Variants in LMBR1 observed in about 807,000 individuals in gnomAD.
LMBR1 encodes the protein limb region 1 protein homolog.
Under a neutral mutation model 73.9 loss-of-function variants are expected in LMBR1, and 52 were observed. The observed-to-expected ratio is 0.70, with a 90% CI of 0.56 to 0.89. The LOEUF is 0.89. Ranked by LOEUF, LMBR1 falls within the 40% of genes least tolerant of loss-of-function variation. LMBR1 has a pLI of 0.00. For synonymous variants in LMBR1, 215 were observed against 209.4 expected (o/e 1.03, Z -0.23); for missense variants, 539 against 579.8 (o/e 0.93, Z 0.72).
At chr7:156,881,808 T>TA (rs60282269) in intron 1 of LMBR1, among the ~76,000 whole-genome samples, 14,065 of 143,502 alleles carry the variant, frequency 0.098, 770 homozygotes, top group African/African-American at 0.16. Flanking sequence ...TGGCTATGAT[T>TA]AAAAAAAAAA....
At chr7:156,841,752 C>T (rs568391787) in intron 1 of LMBR1, among the ~76,000 whole-genome samples, 2 of 152,114 alleles carry the variant, frequency 1.3e-5, no homozygotes, top group African/African-American at 4.8e-5. Context: ...GGAGGTAAAA[C>T]CCTGAGGCAG....
chr7:156,786,067 G>C (rs1828015746), intron 5 of LMBR1, among the ~76,000 whole-genome samples: 1 of 151,856 alleles, frequency 6.6e-6, no homozygotes, highest in Non-Finnish European at 1.5e-5. Context: ...AAATCTATGG[G>C]AAAATGTCCA....
At chr7:156,884,724 G>T (rs1801613997) in intron 1 of LMBR1, among the ~76,000 whole-genome samples, 1 of 152,196 alleles carries the variant, frequency 6.6e-6, no homozygotes. Flanking sequence ...AACTACAGGT[G>T]TGCTCTTGGA....
chr7:156,812,350 A>T (rs1833237352), intron 4 of LMBR1, among the ~76,000 whole-genome samples: 1 of 152,116 alleles, frequency 6.6e-6, no homozygotes. Flanking sequence ...CAAGAGGGAG[A>T]GAGGGAGAGA....
intron 12 of LMBR1, among the ~76,000 whole-genome samples, chr7:156,727,508 G>A (rs1174585916): frequency 6.6e-6 from 1 of 152,136 alleles, no homozygotes; most frequent in Non-Finnish European, 1.5e-5. Context: ...TGTAGGATGA[G>A]GCACCTGGAG....
At chr7:156,780,948 T>A (rs868342743) in intron 5 of LMBR1, among the ~76,000 whole-genome samples, 1 of 152,164 alleles carries the variant, frequency 6.6e-6, no homozygotes, top group Admixed American at 6.5e-5. Flanking sequence ...GACAAACCTA[T>A]GATTTTAGTA....
At chr7:156,782,580 T>C (rs1297103874) in intron 5 of LMBR1, among the ~76,000 whole-genome samples, 1 of 152,174 alleles carries the variant, frequency 6.6e-6, no homozygotes, top group Non-Finnish European at 1.5e-5. Flanking sequence ...GGTCTCACTT[T>C]GTCATCCAGG....
At chr7:156,776,417 A>T (rs567006487) in intron 5 of LMBR1, among the ~76,000 whole-genome samples, 2 of 152,254 alleles carry the variant, frequency 1.3e-5, no homozygotes, top group Non-Finnish European at 2.9e-5. Flanking sequence ...CGTAAGTAAC[A>T]TCCTAGCTCA....
chr7:156,754,044 TA>T (rs1312157167), intron 9 of LMBR1, among the ~76,000 whole-genome samples: 1 of 152,218 alleles, frequency 6.6e-6, no homozygotes, highest in Non-Finnish European at 1.5e-5. Context: ...ATCTAGTGCT[TA>T]ATTAAGATCC....
chr7:156,856,394 C>T (rs1374056336), intron 1 of LMBR1, among the ~76,000 whole-genome samples: 2 of 151,888 alleles, frequency 1.3e-5, no homozygotes, highest in Non-Finnish European at 2.9e-5. Flanking sequence ...GACCACAGGA[C>T]AGAAATTCAA....
intron 10 of LMBR1, among the ~76,000 whole-genome samples, chr7:156,732,156 T>C (rs572755870): frequency 1.1e-4 from 17 of 152,054 alleles, no homozygotes; most frequent in Non-Finnish European, 2.5e-4. Context: ...AGGGACCAGG[T>C]GTGTCATCCA....
chr7:156,697,916 T>G (rs1222062727), intron 15 of LMBR1, among the ~76,000 whole-genome samples: 2 of 152,226 alleles, frequency 1.3e-5, no homozygotes. Context: ...ATTTGGGAAC[T>G]GACAAATGTC....
intron 1 of LMBR1, among the ~76,000 whole-genome samples, chr7:156,860,652 A>T (rs1271334591): frequency 6.6e-6 from 1 of 152,258 alleles, no homozygotes; most frequent in African/African-American, 2.4e-5. Flanking sequence ...CCTTCTGCCT[A>T]TGAGCCTGTA....
intron 9 of LMBR1, chr7:156,736,437 G>A (rs139767273): frequency 6.8e-6 from 3 of 439,050 alleles, no homozygotes; most frequent in East Asian, 7.1e-5. Flanking sequence ...TTTTTTTAAA[G>A]GTTTTATCTT....
At chr7:156,727,883 T>C (rs1470601223) in intron 12 of LMBR1, 47 bp downstream of exon 12, 8 of 1,323,756 alleles carry the variant, frequency 6.0e-6, no homozygotes, top group East Asian at 2.3e-5. Context: ...GGTATAGACA[T>C]AGAATACTTT....
intron 5 of LMBR1, among the ~76,000 whole-genome samples, chr7:156,786,434 G>C (rs1002590531): frequency 6.6e-6 from 1 of 152,148 alleles, no homozygotes; most frequent in Non-Finnish European, 1.5e-5. Flanking sequence ...AATTGCTCTA[G>C]AATAACTGAA....
chr7:156,887,691 T>C (rs1273824030), intron 1 of LMBR1, among the ~76,000 whole-genome samples: 2 of 152,076 alleles, frequency 1.3e-5, no homozygotes, highest in African/African-American at 2.4e-5. Flanking sequence ...TTAAAAACTT[T>C]TGTGCATCAA....
intron 4 of LMBR1, among the ~76,000 whole-genome samples, chr7:156,800,466 G>C (rs1830748209): frequency 9.9e-6 from 1 of 100,740 alleles, no homozygotes; most frequent in Admixed American, 1.3e-4. Flanking sequence ...TAAGCCTACT[G>C]TTAAGACTTG....
At chr7:156,814,262 G>A (rs1463038305) in intron 4 of LMBR1, among the ~76,000 whole-genome samples, 1 of 152,112 alleles carries the variant, frequency 6.6e-6, no homozygotes, top group Non-Finnish European at 1.5e-5. Flanking sequence ...AAGGAACAAT[G>A]TTTTGAGTTT....
Sources: allele counts gnomAD v4.1 joint callset (sites outside exome capture counted in the v4.1 genomes callset), GRCh38; gene constraint gnomAD v4.1.1; transcripts MANE v1.5; gene names NCBI Gene and HGNC (gene_info 2026-07-23, HGNC 2026-07-21).